FRMPD4: variants seen among roughly 807,000 people sequenced by gnomAD.
FRMPD4 encodes FERM and PDZ domain-containing protein 4.
A neutral mutation model predicts 94.1 loss-of-function variants in FRMPD4; 22 were observed. The observed-to-expected ratio is 0.23, with a 90% CI of 0.17 to 0.33. FRMPD4 has a LOEUF of 0.33. Ranked by LOEUF, FRMPD4 falls within the 10% of genes least tolerant of loss-of-function variation. The pLI is 1.00. For missense variants in FRMPD4, 1,111 were observed against 1,339.9 expected (o/e 0.83, Z 2.67); for synonymous variants, 631 against 548.6 (o/e 1.15, Z -2.10).
chrX:12,272,243 C>G (rs193149133), intron 1 of FRMPD4, among the ~76,000 whole-genome samples: 143 of 111,836 alleles, frequency 1.3e-3, no homozygotes, highest in Non-Finnish European at 2.2e-3. Context: ...GGAATAGTCT[C>G]TATTAATCAT....
chrX:12,107,179 C>T (rs1048711458), intron 3 of FRMPD4, among the ~76,000 whole-genome samples: 3 of 111,749 alleles, frequency 2.7e-5, no homozygotes, highest in Non-Finnish European at 5.6e-5. Flanking sequence ...CTCACATGGC[C>T]GGGTACCCCT....
chrX:11,823,755 G>A (rs1484885540), intron 1 of FRMPD4, among the ~76,000 whole-genome samples: 2 of 111,788 alleles, frequency 1.8e-5, no homozygotes, highest in African/African-American at 6.5e-5. Flanking sequence ...ATTTGCACAT[G>A]TCATGAATTA....
intron 3 of FRMPD4, among the ~76,000 whole-genome samples, chrX:11,928,663 GA>G (rs1003883987): frequency 8.9e-6 from 1 of 112,492 alleles, no homozygotes; most frequent in Non-Finnish European, 1.9e-5. Context: ...CTGTTGGTTG[GA>G]GTGTAAATTA....
intron 1 of FRMPD4, among the ~76,000 whole-genome samples, chrX:12,491,449 A>G (rs2057792541): frequency 9.0e-6 from 1 of 111,563 alleles, no homozygotes; most frequent in Admixed American, 9.5e-5. Flanking sequence ...ACTACATCCT[A>G]TGGCAGTCGG....
rs1268801953 is a variant in FRMPD4, at chrX:12,564,630, G to C, written c.159-45091G>C. On this transcript the variant is annotated intron_variant, in intron 2 of 16. Coordinates refer to ENST00000675598, the MANE Select transcript of FRMPD4 (RefSeq NM_001368397.1). Reference sequence around the variant, plus strand: ...GAACTTTATACTCAGTAAGTCATTGGAATTGTAATCAATAAGCAGGATCAA... The same window carrying C: ...GAACTTTATACTCAGTAAGTCATTGCAATTGTAATCAATAAGCAGGATCAA... Among the ~76,000 whole-genome samples the C allele has an allele frequency of 2.7e-5, 3 of 111,922 alleles. 1 individual carries two copies. The highest frequency in any genetic ancestry group is 9.7e-5 in the African/African-American group (3 of 30,839).
intron 4 of FRMPD4, among the ~76,000 whole-genome samples, chrX:12,625,971 T>C (rs1003439116): frequency 9.0e-6 from 1 of 111,676 alleles, no homozygotes; most frequent in Non-Finnish European, 1.9e-5. Flanking sequence ...TGGAAAACTT[T>C]TCTAATCTGG....
At chrX:11,929,208 G>A (rs1463298518) in intron 3 of FRMPD4, among the ~76,000 whole-genome samples, 6 of 112,053 alleles carry the variant, frequency 5.4e-5, no homozygotes, top group Admixed American at 3.8e-4. Context: ...CCCATGACAC[G>A]AGTTTACCTA....
chrX:12,193,793 AGG>A (rs2056525884), intron 1 of FRMPD4, among the ~76,000 whole-genome samples: 3 of 24,365 alleles, frequency 1.2e-4, no homozygotes, highest in Non-Finnish European at 1.8e-4. Context: ...GAAGGAAGGA[AGG>A]AAGGAAGGAA....
intron 3 of FRMPD4, among the ~76,000 whole-genome samples, chrX:12,065,646 T>C (rs2054914469): frequency 8.9e-6 from 1 of 111,924 alleles, no homozygotes; most frequent in Admixed American, 9.4e-5. Context: ...GTTTCTGCTT[T>C]TGGTTTGGTG....
intron 3 of FRMPD4, among the ~76,000 whole-genome samples, chrX:11,929,864 T>C (rs1350176336): frequency 9.1e-6 from 1 of 109,736 alleles, no homozygotes; most frequent in Non-Finnish European, 1.9e-5. Context: ...TCCCAACAGT[T>C]TGGGAGGCCG....
intron 3 of FRMPD4, among the ~76,000 whole-genome samples, chrX:12,007,667 G>T (rs1414238629): frequency 8.9e-6 from 1 of 111,917 alleles, no homozygotes; most frequent in African/African-American, 3.2e-5. Context: ...TTCCTCCAGA[G>T]CCCAGTGATT....
At chrX:12,323,192 A>G (rs758506360) in intron 1 of FRMPD4, among the ~76,000 whole-genome samples, 1 of 111,753 alleles carries the variant, frequency 8.9e-6, no homozygotes, top group Non-Finnish European at 1.9e-5. Flanking sequence ...AATTGAGAGA[A>G]GATATAAGTA....
intron 3 of FRMPD4, among the ~76,000 whole-genome samples, chrX:11,997,778 C>T (rs866578934): frequency 7.2e-5 from 8 of 111,101 alleles, no homozygotes; most frequent in African/African-American, 2.6e-4. Flanking sequence ...CATGGCAAAG[C>T]CCAAATCAAT....
intron 1 of FRMPD4, among the ~76,000 whole-genome samples, chrX:12,402,704 G>C (rs767983048): frequency 8.9e-6 from 1 of 112,454 alleles, no homozygotes; most frequent in African/African-American, 3.2e-5. Flanking sequence ...TAAGTCATGA[G>C]GGCTCTGCCC....
At chrX:12,234,506 T>C (rs1422532174) in intron 1 of FRMPD4, among the ~76,000 whole-genome samples, 1 of 111,160 alleles carries the variant, frequency 9.0e-6, no homozygotes, top group Non-Finnish European at 1.9e-5. Flanking sequence ...ACATTTGCCA[T>C]GGCTTGAGCA....
At chrX:11,841,154 C>T (rs368913491) in intron 1 of FRMPD4, among the ~76,000 whole-genome samples, 1 of 108,756 alleles carries the variant, frequency 9.2e-6, no homozygotes, top group South Asian at 4.0e-4. Flanking sequence ...CATTGTTGGA[C>T]ATTTGGGTTG....
intron 4 of FRMPD4, among the ~76,000 whole-genome samples, chrX:12,616,990 A>G (rs2059241960): frequency 8.9e-6 from 1 of 112,628 alleles, no homozygotes; most frequent in Admixed American, 9.4e-5. Flanking sequence ...TGAAAGTGTG[A>G]TCACTTCCTA....
intron 1 of FRMPD4, among the ~76,000 whole-genome samples, chrX:12,171,693 A>C (rs1233288196): frequency 8.9e-6 from 1 of 112,182 alleles, no homozygotes; most frequent in African/African-American, 3.2e-5. Flanking sequence ...CTGTTCTTTG[A>C]TGCAAGCCGA....
intron 8 of FRMPD4, among the ~76,000 whole-genome samples, chrX:12,691,255 GT>G (rs987837683): frequency 9.1e-6 from 1 of 110,090 alleles, no homozygotes; most frequent in East Asian, 2.9e-4. Context: ...GTTTTTTGGG[GT>G]TTTTTTTGTT....
Sources: allele counts gnomAD v4.1 joint callset (sites outside exome capture counted in the v4.1 genomes callset), GRCh38; gene constraint gnomAD v4.1.1; transcripts MANE v1.5; gene names NCBI Gene and HGNC (gene_info 2026-07-23, HGNC 2026-07-21).